TMEM132C: variants seen among roughly 807,000 people sequenced by gnomAD.
The protein encoded by TMEM132C is transmembrane protein 132C, also known as protein phosphatase 1, regulatory subunit 152.
Under a neutral mutation model 61.4 loss-of-function variants are expected in TMEM132C, and 29 were observed. That is an observed-to-expected ratio of 0.47 (90% CI 0.35 to 0.64). The LOEUF (loss-of-function observed/expected upper bound fraction) is 0.64. TMEM132C is among the 30% of genes least tolerant of loss of function. The pLI is 0.00. For missense variants in TMEM132C, 1,408 were observed against 1,476.9 expected (o/e 0.95, Z 0.76); for synonymous variants, 656 against 633.1 (o/e 1.04, Z -0.54).
In TMEM132C at chr12:128,469,660, GTGTA is replaced by G. The variant is rs948993751; in HGVS notation, c.974+54042_974+54045del. 8.4e-4 allele frequency among the ~76,000 whole-genome samples: 126 copies of G among 150,522 alleles called. 1 individual carries two copies. The highest frequency in any genetic ancestry group is 2.7e-3 in the African/African-American group (111 of 40,800). On this transcript the variant is annotated intron_variant, in intron 2 of 8. Transcript: ENST00000435159. ...TGTGTTTGTGTGTGTGTGTGTGTGT[GTGTA>G]TATATATATATGTGCATTTATGTGT...
chr12:128,319,880 G>T (rs1311478863), intron 1 of TMEM132C, among the ~76,000 whole-genome samples: 2 of 151,626 alleles, frequency 1.3e-5, no homozygotes, highest in African/African-American at 2.4e-5. Context: ...TTCCCATCTT[G>T]CATCTTCTTG....
At chr12:128,342,727 A>G (rs1200695195) in intron 1 of TMEM132C, among the ~76,000 whole-genome samples, 1 of 152,206 alleles carries the variant, frequency 6.6e-6, no homozygotes, top group South Asian at 2.1e-4. Context: ...CAGAGAAGGA[A>G]TTCTGCTGCC....
At chr12:128,362,095 C>T (rs10773529) in intron 1 of TMEM132C, among the ~76,000 whole-genome samples, 124,706 of 152,022 alleles carry the variant, frequency 0.82, 52,044 homozygotes, top group South Asian at 0.91. Context: ...AGCTGCTGTC[C>T]CCAGTCAGAC....
chr12:128,640,870 A>G (rs1954152621), intron 4 of TMEM132C, among the ~76,000 whole-genome samples: 1 of 152,218 alleles, frequency 6.6e-6, no homozygotes, highest in Non-Finnish European at 1.5e-5. Flanking sequence ...TGGGTGACAG[A>G]GCAAGAAGAC....
Position 128,269,061 on chromosome 12 carries a change from C to A in TMEM132C, c.85+1574C>A, listed in dbSNP as rs191771517. ...ACAGTCACGATCTGGTGCCTGAATT[C>A]TGCTGTTAATTAGCTCTAGGTTCCA... On this transcript the variant is annotated intron_variant, in intron 1 of 8. Transcript: ENST00000435159. 2.4e-3 allele frequency among the ~76,000 whole-genome samples: 361 copies of A among 152,164 alleles called. 4 individuals are homozygous for A. The highest frequency in any genetic ancestry group is 8.3e-3 in the African/African-American group (346 of 41,528).
chr12:128,644,128 G>A (rs1954178413), intron 4 of TMEM132C, among the ~76,000 whole-genome samples: 1 of 152,184 alleles, frequency 6.6e-6, no homozygotes, highest in Non-Finnish European at 1.5e-5. Context: ...GTGGGGAACT[G>A]GAACCTGCAT....
chr12:128,641,625 C>T (rs149323202), intron 4 of TMEM132C, among the ~76,000 whole-genome samples: 129 of 152,226 alleles, frequency 8.5e-4, no homozygotes, highest in African/African-American at 2.8e-3. Context: ...GAAACCTCCC[C>T]GGGGTCTTCA....
rs537713196 is a variant in TMEM132C, at chr12:128,575,484, G to GA, written c.1121+31391dup. ...ACAGAGTGAGACTCCGTCTCAAAAA[G>GA]AAAAAAAAAAGAAAAAAAAGGACAT... On this transcript the variant is annotated intron_variant, in intron 3 of 8. Coordinates refer to ENST00000435159, the MANE Select transcript of TMEM132C (RefSeq NM_001136103.3). Among the ~76,000 whole-genome samples, 1,136 of 130,974 alleles carry GA rather than the reference G, an allele frequency of 8.7e-3. 12 individuals are homozygous for GA. Among genetic ancestry groups the GA allele is most frequent in the African/African-American group, 0.029 (1,042 of 35,692 alleles). 85.9% of individuals were successfully genotyped at this position (130,974 alleles called of 152,430 possible).
chr12:128,357,224 C>G (rs1046327695), intron 1 of TMEM132C, among the ~76,000 whole-genome samples: 6 of 152,148 alleles, frequency 3.9e-5, no homozygotes, highest in African/African-American at 1.4e-4. Context: ...ACCTTCCTGT[C>G]CTCCTGGCTG....
At chr12:128,537,814 C>T (rs1284392352) in intron 2 of TMEM132C, among the ~76,000 whole-genome samples, 1 of 152,078 alleles carries the variant, frequency 6.6e-6, no homozygotes, top group Non-Finnish European at 1.5e-5. Context: ...AAGGTATGTA[C>T]CTGGTTAATA....
At chr12:128,364,958 C>T (rs564502051) in intron 1 of TMEM132C, among the ~76,000 whole-genome samples, 3 of 152,224 alleles carry the variant, frequency 2.0e-5, no homozygotes, top group Admixed American at 6.5e-5. Flanking sequence ...GTGCGTCAGC[C>T]ATCTGCGGGT....
intron 2 of TMEM132C, among the ~76,000 whole-genome samples, chr12:128,533,220 G>T (rs1468093413): frequency 6.6e-6 from 1 of 152,146 alleles, no homozygotes; most frequent in Non-Finnish European, 1.5e-5. Context: ...CAGGCTTAGT[G>T]CAATGGGACC....
intron 4 of TMEM132C, among the ~76,000 whole-genome samples, chr12:128,622,545 C>A (rs1953978665): frequency 6.6e-6 from 1 of 151,270 alleles, no homozygotes; most frequent in Admixed American, 6.6e-5. Context: ...TGGTTGTTTT[C>A]CTGCATCCTC....
intron 2 of TMEM132C, among the ~76,000 whole-genome samples, chr12:128,495,718 A>C (rs553797451): frequency 6.6e-6 from 1 of 151,898 alleles, no homozygotes; most frequent in Non-Finnish European, 1.5e-5. Flanking sequence ...TTTTGAGCCT[A>C]TGTGTGTCTC....
intron 2 of TMEM132C, among the ~76,000 whole-genome samples, chr12:128,488,450 C>T (rs1344625950): frequency 1.3e-5 from 2 of 152,066 alleles, no homozygotes; most frequent in African/African-American, 2.4e-5. Flanking sequence ...CACCTGAGGT[C>T]GGGAGTTCAA....
At chr12:128,567,929 A>G (rs1874757594) in intron 3 of TMEM132C, among the ~76,000 whole-genome samples, 1 of 152,048 alleles carries the variant, frequency 6.6e-6, no homozygotes, top group Non-Finnish European at 1.5e-5. Flanking sequence ...GCACCGTGGG[A>G]GCCCCATCTC....
chr12:128,629,858 C>A (rs375369820), intron 4 of TMEM132C, among the ~76,000 whole-genome samples: 2 of 151,480 alleles, frequency 1.3e-5, no homozygotes, highest in African/African-American at 4.8e-5. Flanking sequence ...CCCAGCTACT[C>A]GGGAGACTGA....
At chr12:128,356,519 A>G (rs1010328740) in intron 1 of TMEM132C, among the ~76,000 whole-genome samples, 4 of 152,258 alleles carry the variant, frequency 2.6e-5, no homozygotes, top group Non-Finnish European at 5.9e-5. Flanking sequence ...CTGAGCAGCA[A>G]TAGCTCCCCA....
At chr12:128,577,820 C>T in intron 3 of TMEM132C, among the ~76,000 whole-genome samples, 1 of 152,214 alleles carries the variant, frequency 6.6e-6, no homozygotes, top group Admixed American at 6.5e-5. Flanking sequence ...CCCTTTTAGT[C>T]CTGCCCTTGA....
Sources: gnomAD v4.1 joint callset for allele counts (sites outside exome capture counted in the v4.1 genomes callset) on GRCh38, gnomAD v4.1.1 for gene constraint, MANE v1.5 for transcripts, NCBI Gene and HGNC (gene_info 2026-07-23, HGNC 2026-07-21) for gene names.